WDR7: variants seen among roughly 807,000 people sequenced by gnomAD.
The protein encoded by WDR7 is WD repeat-containing protein 7.
In WDR7, 46 loss-of-function variants were observed where a neutral mutation model predicts 169.4. The observed-to-expected ratio is 0.27, with a 90% CI of 0.21 to 0.35. WDR7 has a LOEUF of 0.35. Ranked by LOEUF, WDR7 falls within the 10% of genes least tolerant of loss-of-function variation. The pLI, the probability that WDR7 is intolerant of heterozygous loss-of-function variation, is 1.00. For missense variants in WDR7, 1,534 were observed against 1,859.3 expected, an observed-to-expected ratio of 0.83 and a Z score of 3.22; for synonymous variants, 612 against 666.8, an observed-to-expected ratio of 0.92 and a Z score of 1.27.
At chr18:56,816,002 T>C (rs1248707012) in intron 19 of WDR7, 29 bp from the exon 20 acceptor site, 2 of 1,531,114 alleles carry the variant, frequency 1.3e-6, no homozygotes, top group Admixed American at 2.3e-5. Flanking sequence ...TTTTTTGAAG[T>C]GAAGCCTTGT....
intron 26 of WDR7, among the ~76,000 whole-genome samples, chr18:56,993,101 T>A (rs1009078697): frequency 6.6e-6 from 1 of 152,172 alleles, no homozygotes; most frequent in Non-Finnish European, 1.5e-5. Context: ...TGACAAATAG[T>A]TTAGATGAAA....
chr18:56,982,197 T>C (rs1275903303), intron 26 of WDR7, among the ~76,000 whole-genome samples: 1 of 152,192 alleles, frequency 6.6e-6, no homozygotes, highest in Admixed American at 6.5e-5. Context: ...TGACTTTAAA[T>C]AGGGCCACTT....
chr18:56,697,875 T>G (rs572998550), intron 12 of WDR7, among the ~76,000 whole-genome samples: 1 of 152,316 alleles, frequency 6.6e-6, no homozygotes, highest in African/African-American at 2.4e-5. Context: ...GATATAGTTT[T>G]TCTTTAAATT....
intron 20 of WDR7, among the ~76,000 whole-genome samples, chr18:56,827,175 C>G (rs917948926): frequency 8.5e-5 from 13 of 152,116 alleles, no homozygotes; most frequent in African/African-American, 3.1e-4. Context: ...AATGGCCTTG[C>G]CCAGAGCAGA....
In WDR7 at chr18:56,682,814, A is replaced by T. The variant is rs774606063; in HGVS notation, c.481A>T (p.Ile161Phe). The change falls in exon 5 of 28, where the codon ATT becomes TTT. Residue 161 changes from isoleucine to phenylalanine, a missense_variant. Transcript: ENST00000254442. ...AGTATCAAAGATATCACCAGACTGG[A>T]TTAGCTCCATGAGTATTATTCGATC... ...SLVSKISPDWISSMSIIRSHR... is the reference protein window; with the variant it reads ...SLVSKISPDWFSSMSIIRSHR... 1 of 1,613,792 alleles carries T rather than the reference A, an allele frequency of 6.2e-7. No homozygotes were observed. The highest frequency in any genetic ancestry group is 1.1e-5 in the South Asian group (1 of 91,060).
intron 19 of WDR7, among the ~76,000 whole-genome samples, chr18:56,786,956 A>G (rs2044410611): frequency 2.0e-5 from 3 of 151,650 alleles, no homozygotes; most frequent in Admixed American, 2.0e-4. Flanking sequence ...TTACTTTTGC[A>G]CCAACCTAAT....
chr18:57,017,412 C>CTG (rs10571337), intron 26 of WDR7, among the ~76,000 whole-genome samples: 5,271 of 143,676 alleles, frequency 0.037, 288 homozygotes, highest in African/African-American at 0.12. Flanking sequence ...CAGCATCATG[C>CTG]TGTGTGTGTG....
At chr18:56,746,202 G>A (rs191846085) in intron 14 of WDR7, among the ~76,000 whole-genome samples, 106 of 152,278 alleles carry the variant, frequency 7.0e-4, no homozygotes, top group African/African-American at 2.5e-3. Context: ...TGTCAGTTGA[G>A]TACAACAGGT....
rs186909731 is a variant in WDR7 at position 56,812,063 on chromosome 18, G to A, written c.3191-3968G>A. On this transcript the variant is annotated intron_variant, in intron 19 of 27. Transcript: ENST00000254442. The stretch of plus-strand genomic sequence containing the variant: ...ATCAGTCAATTTGTGGAGATTTGGC[G>A]TCTTTCCTGTTTTGAATCTTCCGAT... 3.0e-3 allele frequency among the ~76,000 whole-genome samples: 458 copies of A among 152,116 alleles called. 1 individual carries two copies. The highest frequency in any genetic ancestry group is 4.9e-3 in the Admixed American group (75 of 15,272).
At chr18:56,978,038 T>C (rs2047592019) in intron 26 of WDR7, among the ~76,000 whole-genome samples, 1 of 152,330 alleles carries the variant, frequency 6.6e-6, no homozygotes, top group East Asian at 1.9e-4. Flanking sequence ...GCCTCTACTG[T>C]AGACAGAGGT....
chr18:56,704,848 G>A (rs2025912955), intron 12 of WDR7, among the ~76,000 whole-genome samples: 1 of 152,188 alleles, frequency 6.6e-6, no homozygotes, highest in African/African-American at 2.4e-5. Flanking sequence ...ATGGTCAGAA[G>A]TGATTTCATG....
chr18:56,979,904 T>A (rs1237580668), intron 26 of WDR7, among the ~76,000 whole-genome samples: 3 of 152,216 alleles, frequency 2.0e-5, no homozygotes, highest in Non-Finnish European at 4.4e-5. Context: ...ACTAAGCATT[T>A]AGTTTGTTAC....
In WDR7 at chr18:56,816,071, T is replaced by C; in HGVS notation, c.3231T>C (p.Ala1077=). The part of the protein sequence containing the change: ...TSEAAQTITT[A]PDASGPEAKV... ...AAGCCGCGCAGACTATCACCACGGC[T>C]CCTGATGCCTCAGGGCCTGAAGCAA... Residue 1077 remains alanine, a synonymous_variant, in exon 20 of 28, where the codon GCT becomes GCC. Coordinates refer to ENST00000254442, the MANE Select transcript of WDR7 (RefSeq NM_015285.3). 1 of 1,613,718 alleles carries C rather than the reference T, an allele frequency of 6.2e-7. No homozygotes were observed. The highest frequency in any genetic ancestry group is 8.5e-7 in the Non-Finnish European group (1 of 1,179,892).
At chr18:56,653,942 G>A (rs2144396167) in intron 1 of WDR7, among the ~76,000 whole-genome samples, 1 of 152,278 alleles carries the variant, frequency 6.6e-6, no homozygotes. Flanking sequence ...ACCACCAGAT[G>A]ATGTTTAGAA....
At chr18:56,711,193 G>A (rs1476157999) in intron 12 of WDR7, among the ~76,000 whole-genome samples, 8 of 151,318 alleles carry the variant, frequency 5.3e-5, no homozygotes, top group Non-Finnish European at 1.2e-4. Flanking sequence ...CGTATTTTCA[G>A]TTTTTATGTA....
At chr18:56,721,039 A>C (rs937972015) in intron 13 of WDR7, among the ~76,000 whole-genome samples, 3 of 151,712 alleles carry the variant, frequency 2.0e-5, no homozygotes, top group African/African-American at 7.3e-5. Context: ...TATTAAATTT[A>C]TTTATTTATT....
chr18:56,946,021 G>T (rs556950303), intron 25 of WDR7, among the ~76,000 whole-genome samples: 1 of 152,224 alleles, frequency 6.6e-6, no homozygotes, highest in Admixed American at 6.5e-5. Flanking sequence ...TAGTGCCACA[G>T]AATGCCTGCT....
At chr18:56,711,607 C>G (rs1158083741) in intron 12 of WDR7, among the ~76,000 whole-genome samples, 1 of 151,872 alleles carries the variant, frequency 6.6e-6, no homozygotes, top group Non-Finnish European at 1.5e-5. Flanking sequence ...TTTTCTTGTT[C>G]ACGTAATTAT....
At chr18:56,998,253 G>A (rs141633978) in intron 26 of WDR7, among the ~76,000 whole-genome samples, 44 of 152,254 alleles carry the variant, frequency 2.9e-4, no homozygotes, top group African/African-American at 9.9e-4. Flanking sequence ...GTTTAAACTC[G>A]GGTCTCTTGG....
Sources: allele counts gnomAD v4.1 joint callset (sites outside exome capture counted in the v4.1 genomes callset), GRCh38; gene constraint gnomAD v4.1.1; transcripts MANE v1.5; gene names NCBI Gene and HGNC (gene_info 2026-07-23, HGNC 2026-07-21).